Variants in MAST4 observed in about 807,000 individuals in gnomAD.
MAST4 encodes the protein microtubule associated serine/threonine kinase family member 4.
MAST4 carries 89 observed loss-of-function variants against 162.7 expected under a neutral mutation model. That is an observed-to-expected ratio of 0.55 (90% CI 0.46 to 0.65). MAST4 has a LOEUF of 0.65. MAST4 is among the 30% of genes least tolerant of loss of function. The pLI is 0.00. For missense variants in MAST4, 3,153 were observed against 3,374.0 expected (o/e 0.93, Z 1.62); for synonymous variants, 1,479 against 1,361.1 (o/e 1.09, Z -1.91).
chr5:66,819,872 C>T (rs1371654166), intron 3 of MAST4, among the ~76,000 whole-genome samples: 8 of 151,324 alleles, frequency 5.3e-5, no homozygotes, highest in Non-Finnish European at 1.0e-4. Context: ...CTCCCAGGCT[C>T]AATTGATCCT....
chr5:67,071,978 C>T (rs1273898272), intron 5 of MAST4, among the ~76,000 whole-genome samples: 4 of 152,126 alleles, frequency 2.6e-5, no homozygotes, highest in African/African-American at 9.7e-5. Context: ...TGCAAAGTTC[C>T]TTAACTTACT....
chr5:66,609,693 TTTTTTTTTTTTG>T (rs869283856), intron 1 of MAST4, among the ~76,000 whole-genome samples: 29 of 109,262 alleles, frequency 2.7e-4, no homozygotes, highest in Non-Finnish European at 3.8e-4. Flanking sequence ...AGCCTGGTGT[TTTTTTTTTTTTG>T]TTTTTTTTTT....
intron 1 of MAST4, among the ~76,000 whole-genome samples, chr5:66,656,684 T>C (rs1287145473): frequency 1.3e-5 from 2 of 152,228 alleles, no homozygotes; most frequent in African/African-American, 2.4e-5. Context: ...GCTCACTTTA[T>C]TGGCTAAAAG....
intron 5 of MAST4, among the ~76,000 whole-genome samples, chr5:67,072,812 C>G (rs1761137562): frequency 6.6e-6 from 1 of 152,144 alleles, no homozygotes; most frequent in African/African-American, 2.4e-5. Flanking sequence ...GCCCACCCTC[C>G]AAAAGGGCAG....
In MAST4 at chr5:66,917,163, T is replaced by G. The variant is rs1255231020; in HGVS notation, c.674+17181T>G. 4 of 551,624 alleles carry G rather than the reference T, an allele frequency of 7.3e-6. 1 individual carries two copies. The highest frequency in any genetic ancestry group is 1.3e-5 in the Non-Finnish European group (4 of 302,878). 34.2% of individuals were successfully genotyped at this position (551,624 alleles called of 1,614,324 possible). ...TTCTTTCCAATCTTATTACCCCTGG[T>G]CATTACTTTAAATTGCATTTCCTTC... is the stretch of plus-strand genomic sequence containing the variant. On this transcript the variant is annotated intron_variant, in intron 4 of 28. Transcript: ENST00000403625.
intron 4 of MAST4, among the ~76,000 whole-genome samples, chr5:67,038,563 G>A (rs759167429): frequency 6.6e-6 from 1 of 152,062 alleles, no homozygotes; most frequent in Non-Finnish European, 1.5e-5. Context: ...TGGTGTTGAT[G>A]GAGTGGAGTG....
At chr5:66,811,785 A>G (rs1228312988) in intron 3 of MAST4, among the ~76,000 whole-genome samples, 2 of 152,238 alleles carry the variant, frequency 1.3e-5, no homozygotes, top group African/African-American at 4.8e-5. Flanking sequence ...AAGGCATTGC[A>G]CACTCTAAAT....
intron 3 of MAST4, among the ~76,000 whole-genome samples, chr5:66,860,872 G>A (rs1025188517): frequency 1.3e-5 from 2 of 152,074 alleles, no homozygotes; most frequent in Non-Finnish European, 2.9e-5. Context: ...AATCAGAGTG[G>A]AAGTATGCTG....
chr5:66,696,372 C>G (rs1749403417), intron 1 of MAST4, among the ~76,000 whole-genome samples: 1 of 151,916 alleles, frequency 6.6e-6, no homozygotes, highest in Non-Finnish European at 1.5e-5. Context: ...AAAAAAAAAT[C>G]TGTACTCATT....
chr5:66,647,054 A>G (rs1164129227), intron 1 of MAST4, among the ~76,000 whole-genome samples: 1 of 152,094 alleles, frequency 6.6e-6, no homozygotes. Context: ...TTCCTAGCAC[A>G]CTTAACTGGC....
chr5:67,110,084 T>C lies in MAST4; in HGVS notation c.1357-14T>C, dbSNP rs1392139698. Reference sequence around the variant, plus strand: ...CAACTCTGCATCATCACTCTCTTTATTGCTTTTTCATAGGCTCATGATCGT... The same window carrying C: ...CAACTCTGCATCATCACTCTCTTTACTGCTTTTTCATAGGCTCATGATCGT... On this transcript the variant is annotated splice_polypyrimidine_tract_variant and intron_variant, in intron 10 of 28. Transcript: ENST00000403625. 6.3e-7 allele frequency: 1 copy of C among 1,594,580 alleles called. No individual in the cohort carries two copies. The highest frequency in any genetic ancestry group is 2.2e-5 in the East Asian group (1 of 44,806).
chr5:66,753,653 T>C (rs907285282), intron 1 of MAST4, among the ~76,000 whole-genome samples: 25 of 151,614 alleles, frequency 1.6e-4, no homozygotes, highest in African/African-American at 6.1e-4. Context: ...ATTGTGGCAA[T>C]AATCAATAGC....
intron 18 of MAST4, 24 bp from the exon 19 acceptor site, chr5:67,136,539 A>G (rs1243899784): frequency 1.9e-6 from 3 of 1,548,840 alleles, no homozygotes; most frequent in East Asian, 4.7e-5. Context: ...CAATATGGTT[A>G]TAAACAACTT....
At chr5:66,867,139 G>A (rs1760588771) in intron 3 of MAST4, among the ~76,000 whole-genome samples, 1 of 151,912 alleles carries the variant, frequency 6.6e-6, no homozygotes, top group African/African-American at 2.4e-5. Context: ...ATGATTTTCT[G>A]GTTTTCTAGG....
At chr5:66,919,521 C>T (rs924120231) in intron 4 of MAST4, among the ~76,000 whole-genome samples, 1 of 151,914 alleles carries the variant, frequency 6.6e-6, no homozygotes. Context: ...ACTAGCCAGG[C>T]ATGGTGGCAC....
chr5:66,768,494 T>A (rs1235826622), intron 2 of MAST4, among the ~76,000 whole-genome samples: 2 of 152,242 alleles, frequency 1.3e-5, no homozygotes, highest in African/African-American at 4.8e-5. Flanking sequence ...GCAATCTGGA[T>A]GAATGTCCAG....
intron 1 of MAST4, among the ~76,000 whole-genome samples, chr5:66,678,856 A>G (rs1158924217): frequency 6.6e-6 from 1 of 150,788 alleles, no homozygotes; most frequent in African/African-American, 2.5e-5. Context: ...CAGTGGCATG[A>G]TCTCTGCCCA....
intron 1 of MAST4, among the ~76,000 whole-genome samples, chr5:66,685,478 A>G (rs545553307): frequency 1.3e-5 from 2 of 152,342 alleles, no homozygotes; most frequent in South Asian, 4.1e-4. Flanking sequence ...GGAGACAAAC[A>G]CAGTTGACAA....
At chr5:66,733,330 GCA>G (rs990828461) in intron 1 of MAST4, among the ~76,000 whole-genome samples, 7 of 146,458 alleles carry the variant, frequency 4.8e-5, no homozygotes, top group African/African-American at 1.7e-4. Flanking sequence ...CCACACACAT[GCA>G]CAGAGTTTTC....
Sources: gnomAD v4.1 joint callset for allele counts (sites outside exome capture counted in the v4.1 genomes callset) on GRCh38, gnomAD v4.1.1 for gene constraint, MANE v1.5 for transcripts, NCBI Gene and HGNC (gene_info 2026-07-23, HGNC 2026-07-21) for gene names.